The following ZNF536 variants were observed in gnomAD, a reference collection of about 807,000 sequenced individuals.
The protein encoded by ZNF536 is zinc finger protein 536.
In ZNF536, 13 loss-of-function variants were observed where a neutral mutation model predicts 84.5. The observed-to-expected ratio is 0.15, with a 90% CI of 0.10 to 0.24. The LOEUF is 0.24. Among genes scored for constraint, ZNF536 ranks in the 10% least tolerant of loss-of-function variants. The probability of loss-of-function intolerance (pLI) is 1.00; values close to 1 mark genes in which losing one functional copy is unlikely to be tolerated. For missense variants in ZNF536, 1,536 were observed against 1,747.5 expected, an observed-to-expected ratio of 0.88 and a Z score of 2.16; for synonymous variants, 811 against 742.5, an observed-to-expected ratio of 1.09 and a Z score of -1.50.
intron 3 of ZNF536, among the ~76,000 whole-genome samples, chr19:30,536,932 A>G (rs2045106727): frequency 6.6e-6 from 1 of 152,078 alleles, no homozygotes; most frequent in Non-Finnish European, 1.5e-5. Flanking sequence ...CTTCTCTGTG[A>G]GGCCCACCCA....
At chr19:30,359,727 A>G (rs1167447778) in intron 3 of ZNF536, among the ~76,000 whole-genome samples, 1 of 152,142 alleles carries the variant, frequency 6.6e-6, no homozygotes. Flanking sequence ...GCTGCTTGGG[A>G]AAACACTTCT....
intron 3 of ZNF536, among the ~76,000 whole-genome samples, chr19:30,352,750 A>T (rs967292678): frequency 6.6e-6 from 1 of 151,992 alleles, no homozygotes; most frequent in Non-Finnish European, 1.5e-5. Context: ...ATGGGTGGGG[A>T]AGAGGCACAA....
chr19:30,424,110 TG>T (rs2051108094), intron 1 of ZNF536, among the ~76,000 whole-genome samples: 2 of 152,216 alleles, frequency 1.3e-5, no homozygotes, highest in Admixed American at 1.3e-4. Flanking sequence ...ACTTTGTTTC[TG>T]GGCCACAGGA....
intron 1 of ZNF536, among the ~76,000 whole-genome samples, chr19:30,261,180 C>T (rs1312968611): frequency 6.7e-6 from 1 of 149,158 alleles, no homozygotes; most frequent in Non-Finnish European, 1.5e-5. Flanking sequence ...CGCCTGTAGT[C>T]CCAGCTACTT....
intron 2 of ZNF536, among the ~76,000 whole-genome samples, chr19:30,329,650 G>A (rs893708626): frequency 3.9e-5 from 6 of 152,296 alleles, no homozygotes; most frequent in East Asian, 1.9e-4. Context: ...AAGCCCAGGC[G>A]TGATACAGAC....
At chr19:30,659,226 C>A (rs1015200951) in intron 1 of ZNF536, among the ~76,000 whole-genome samples, 1 of 152,010 alleles carries the variant, frequency 6.6e-6, no homozygotes, top group African/African-American at 2.4e-5. Context: ...GCTGGGGAGG[C>A]CTCAAGAAAC....
intron 1 of ZNF536, among the ~76,000 whole-genome samples, chr19:30,427,651 C>A (rs1242769866): frequency 1.3e-5 from 2 of 152,158 alleles, no homozygotes; most frequent in African/African-American, 2.4e-5. Flanking sequence ...GGTCTTCTAG[C>A]ATGAGGCCCT....
At chr19:30,688,705 C>T (rs1248913518) in intron 1 of ZNF536, among the ~76,000 whole-genome samples, 1 of 152,200 alleles carries the variant, frequency 6.6e-6, no homozygotes, top group African/African-American at 2.4e-5. Flanking sequence ...TTGAAACCCC[C>T]ACTTAATACT....
intron 1 of ZNF536, among the ~76,000 whole-genome samples, chr19:30,628,330 T>C (rs16964470): frequency 0.13 from 19,696 of 152,112 alleles, 1,683 homozygotes; most frequent in Admixed American, 0.2. Context: ...TGACTGCTCC[T>C]TCAACTCCCT....
intron 2 of ZNF536, 135 bp from the exon 3 acceptor site, chr19:30,534,712 T>A (rs945439816): frequency 1.1e-6 from 1 of 889,556 alleles, no homozygotes; most frequent in Non-Finnish European, 1.6e-6. Flanking sequence ...ATTGTCAGCA[T>A]TCTGTCAGAT....
chr19:30,593,874 G>T (rs2867076), intron 1 of ZNF536, among the ~76,000 whole-genome samples: 63,432 of 152,086 alleles, frequency 0.42, 13,800 homozygotes, highest in East Asian at 0.49. Flanking sequence ...TAGATTGCTA[G>T]ATGGAGTGGA....
intron 2 of ZNF536, among the ~76,000 whole-genome samples, chr19:30,491,318 GT>G (rs150777157): frequency 2.6e-3 from 390 of 152,210 alleles, no homozygotes; most frequent in Non-Finnish European, 4.0e-3. Flanking sequence ...TCTGTCTCCT[GT>G]TCAGTAAATT....
At chr19:30,323,807 C>A (rs1477969153) in intron 2 of ZNF536, among the ~76,000 whole-genome samples, 1 of 152,156 alleles carries the variant, frequency 6.6e-6, no homozygotes, top group Non-Finnish European at 1.5e-5. Context: ...AGTTTTGCAA[C>A]CTATCCATCC....
intron 1 of ZNF536, among the ~76,000 whole-genome samples, chr19:30,564,338 C>T (rs975112213): frequency 1.3e-5 from 2 of 151,664 alleles, no homozygotes; most frequent in African/African-American, 4.9e-5. Context: ...AGAGAGAAAA[C>T]AAGTAAGAAG....
intron 1 of ZNF536, among the ~76,000 whole-genome samples, chr19:30,280,659 C>T (rs532823338): frequency 7.7e-4 from 117 of 152,378 alleles, no homozygotes; most frequent in Middle Eastern, 6.8e-3. Context: ...ACTCAGGGCC[C>T]ATCTCAGAGC....
intron 2 of ZNF536, among the ~76,000 whole-genome samples, chr19:30,311,351 A>G (rs16964092): frequency 0.017 from 2,545 of 152,262 alleles, 210 homozygotes; most frequent in Admixed American, 0.15. Flanking sequence ...AAAAAACAAT[A>G]TGAAGCTGTA....
At chr19:30,334,606 A>G (rs1285611810) in intron 2 of ZNF536, among the ~76,000 whole-genome samples, 4 of 152,214 alleles carry the variant, frequency 2.6e-5, no homozygotes, top group African/African-American at 9.6e-5. Context: ...GTTCCCCTTT[A>G]CTTGAATATA....
intron 2 of ZNF536, among the ~76,000 whole-genome samples, chr19:30,324,042 A>G (rs1181099307): frequency 6.6e-6 from 1 of 150,892 alleles, no homozygotes; most frequent in East Asian, 2.0e-4. Context: ...CCCATCCTCC[A>G]TCCATCTATC....
At chr19:30,411,883 T>C (rs2050510432) in intron 1 of ZNF536, among the ~76,000 whole-genome samples, 2 of 152,142 alleles carry the variant, frequency 1.3e-5, no homozygotes, top group African/African-American at 4.8e-5. Flanking sequence ...AATTTATGTA[T>C]TTATGATATC....
Sources: allele counts gnomAD v4.1 joint callset (sites outside exome capture counted in the v4.1 genomes callset), GRCh38; gene constraint gnomAD v4.1.1; transcripts MANE v1.5; gene names NCBI Gene and HGNC (gene_info 2026-07-23, HGNC 2026-07-21).